Variants in CNTLN observed in about 807,000 individuals in gnomAD.
CNTLN encodes centlein, also known as centlein, centrosomal protein.
In CNTLN, 212 loss-of-function variants were observed where a neutral mutation model predicts 180.0. That is an observed-to-expected ratio of 1.18 (90% CI 1.05 to 1.32). CNTLN has a LOEUF of 1.32. CNTLN is among the 40% of genes most tolerant of loss of function. CNTLN has a pLI of 0.00. For synonymous variants in CNTLN, 722 were observed against 563.1 expected (o/e 1.28, Z -3.99); for missense variants, 2,095 against 1,610.9 (o/e 1.30, Z -5.14).
At chr9:17,372,398 A>G (rs528589456) in intron 13 of CNTLN, among the ~76,000 whole-genome samples, 4 of 152,248 alleles carry the variant, frequency 2.6e-5, no homozygotes, top group Admixed American at 6.5e-5. Context: ...TCTTATACAC[A>G]TACAACCTAC....
At chr9:17,144,222 T>C (rs1818292503) in intron 2 of CNTLN, among the ~76,000 whole-genome samples, 1 of 152,236 alleles carries the variant, frequency 6.6e-6, no homozygotes, top group African/African-American at 2.4e-5. Context: ...TGCCTGAGTA[T>C]GTCTAATTTT....
At position 17,255,201 on chromosome 9, in the gene CNTLN, A is replaced by G. The variant is rs143386709; in HGVS notation, c.850-18532A>G. On this transcript the variant is annotated intron_variant, in intron 5 of 25. Transcript: ENST00000380647. ...TTTTTCTTGCATAGTTGCTCTGGCT[A>G]GGACATTAAATAAATACTATGTTGA... Among the ~76,000 whole-genome samples the G allele has an allele frequency of 1.6e-3, 242 of 151,896 alleles. 1 individual carries two copies. Among genetic ancestry groups the G allele is most frequent in the African/African-American group, 5.6e-3 (233 of 41,520 alleles).
At chr9:17,358,644 T>A (rs940031717) in intron 12 of CNTLN, among the ~76,000 whole-genome samples, 3 of 152,156 alleles carry the variant, frequency 2.0e-5, no homozygotes, top group African/African-American at 7.2e-5. Context: ...TTTTCCATAC[T>A]TTTTTAATGT....
chr9:17,422,922 CAA>C (rs67831329), intron 18 of CNTLN, among the ~76,000 whole-genome samples: 1 of 152,168 alleles, frequency 6.6e-6, no homozygotes, highest in Non-Finnish European at 1.5e-5. Context: ...ACTGAAGCCA[CAA>C]ATCCGCTAGG....
At chr9:17,169,751 G>A (rs1820309518) in intron 2 of CNTLN, among the ~76,000 whole-genome samples, 1 of 151,526 alleles carries the variant, frequency 6.6e-6, no homozygotes, top group Non-Finnish European at 1.5e-5. Context: ...CTGTTCAATT[G>A]GTCTGTTTAT....
chr9:17,505,480 A>T (rs577578706), downstream of CNTLN, among the ~76,000 whole-genome samples: 4 of 152,288 alleles, frequency 2.6e-5, no homozygotes, highest in African/African-American at 9.6e-5. Context: ...GTTTCTATAC[A>T]CTAGTAAGCT....
At chr9:17,241,843 T>C (rs1369220207) in intron 5 of CNTLN, among the ~76,000 whole-genome samples, 7 of 152,204 alleles carry the variant, frequency 4.6e-5, no homozygotes, top group Admixed American at 4.6e-4. Flanking sequence ...TTAATTTTTT[T>C]CAGATTGTTT....
intron 15 of CNTLN, among the ~76,000 whole-genome samples, chr9:17,405,156 T>C (rs1587905211): frequency 6.6e-6 from 1 of 151,734 alleles, no homozygotes; most frequent in Non-Finnish European, 1.5e-5. Flanking sequence ...CTCTTGTTAT[T>C]ATAGTTTGCC....
intron 13 of CNTLN, among the ~76,000 whole-genome samples, chr9:17,375,347 C>T (rs77935093): frequency 0.013 from 1,920 of 152,162 alleles, 42 homozygotes; most frequent in African/African-American, 0.041. Flanking sequence ...TAAGACCTGG[C>T]GTTTGCTAGC....
chr9:17,152,446 C>T (rs914290026), intron 2 of CNTLN, among the ~76,000 whole-genome samples: 1 of 152,096 alleles, frequency 6.6e-6, no homozygotes, highest in Non-Finnish European at 1.5e-5. Context: ...GCAGGTTGTT[C>T]GGTTTCCATG....
In CNTLN at chr9:17,409,331, C is replaced by T; in HGVS notation, c.2654C>T (p.Thr885Ile). The stretch of plus-strand genomic sequence containing the variant: ...GCACAGACCTCTCAAACTTTGGGAA[C>T]AATTATTGTAGAAACATCCCAGAAA... ...SEAQTSQTLGTIIVETSQKIS... is the reference protein window; with the variant it reads ...SEAQTSQTLGIIIVETSQKIS... The change falls in exon 16 of 26, where the codon ACA becomes ATA. Residue 885 changes from threonine to isoleucine, a missense_variant. Physicochemically the swap from Thr to Ile is moderately conservative, Grantham distance 89. Coordinates refer to ENST00000380647, the MANE Select transcript of CNTLN (RefSeq NM_017738.4). 6.2e-7 allele frequency: 1 copy of T among 1,612,792 alleles called. No individual in the cohort carries two copies. Among genetic ancestry groups the T allele is most frequent in the Non-Finnish European group, 8.5e-7 (1 of 1,179,512 alleles).
intron 16 of CNTLN, 130 bp from the exon 17 acceptor site, chr9:17,415,658 T>A (rs1264943800): frequency 2.6e-5 from 17 of 652,708 alleles, no homozygotes; most frequent in Non-Finnish European, 4.3e-5. Flanking sequence ...CCTGCCTTGG[T>A]CTCCCACAGA....
intron 2 of CNTLN, among the ~76,000 whole-genome samples, chr9:17,165,550 CA>C (rs1430903370): frequency 3.9e-5 from 6 of 152,032 alleles, no homozygotes; most frequent in Admixed American, 3.9e-4. Flanking sequence ...GATGAGGCTA[CA>C]AAATGGGAAA....
chr9:17,243,581 C>T (rs946333464), intron 5 of CNTLN, among the ~76,000 whole-genome samples: 4 of 152,128 alleles, frequency 2.6e-5, no homozygotes, highest in Non-Finnish European at 5.9e-5. Context: ...ACTGGTTATT[C>T]AGGAGCATAT....
At chr9:17,184,946 G>A (rs1821340425) in intron 2 of CNTLN, among the ~76,000 whole-genome samples, 1 of 152,202 alleles carries the variant, frequency 6.6e-6, no homozygotes, top group Non-Finnish European at 1.5e-5. Flanking sequence ...TAAACTCACA[G>A]TGTATTTTTG....
At chr9:17,416,239 G>A (rs1828240074) in intron 18 of CNTLN, 50 bp downstream of exon 18, 23 of 1,434,688 alleles carry the variant, frequency 1.6e-5, no homozygotes, top group Non-Finnish European at 2.2e-5. Flanking sequence ...TGTAAAAGTG[G>A]ATATTTTGTT....
At chr9:17,197,831 T>C (rs1487433196) in intron 2 of CNTLN, among the ~76,000 whole-genome samples, 1 of 152,184 alleles carries the variant, frequency 6.6e-6, no homozygotes. Flanking sequence ...CCTGGAGAGT[T>C]CCCCCAATGT....
At chr9:17,214,734 C>T (rs766605059) in intron 2 of CNTLN, among the ~76,000 whole-genome samples, 2 of 152,206 alleles carry the variant, frequency 1.3e-5, no homozygotes, top group Non-Finnish European at 2.9e-5. Context: ...TCATGTATTT[C>T]TTGGAGGCTT....
intron 2 of CNTLN, among the ~76,000 whole-genome samples, chr9:17,178,109 G>A (rs1427632186): frequency 6.6e-6 from 1 of 151,396 alleles, no homozygotes; most frequent in East Asian, 1.9e-4. Flanking sequence ...ACAGAGTGCT[G>A]ATTGGTGTAT....
Sources: gnomAD v4.1 joint callset for allele counts (sites outside exome capture counted in the v4.1 genomes callset) on GRCh38, gnomAD v4.1.1 for gene constraint, MANE v1.5 for transcripts, NCBI Gene and HGNC (gene_info 2026-07-23, HGNC 2026-07-21) for gene names.